Variants in THRB observed in about 807,000 individuals in gnomAD.
THRB encodes nuclear receptor subfamily 1 group A member 2.
Under a neutral mutation model 47.8 loss-of-function variants are expected in THRB, and 12 were observed. The ratio of observed to expected loss-of-function variants is 0.25; its 90% CI spans 0.16 to 0.41. The LOEUF (loss-of-function observed/expected upper bound fraction) is 0.41. Among genes scored for constraint, THRB ranks in the 10% least tolerant of loss-of-function variants. The pLI, the probability that THRB is intolerant of heterozygous loss-of-function variation, is 1.00. For synonymous variants in THRB, 218 were observed against 212.2 expected, an observed-to-expected ratio of 1.03 and a Z score of -0.24; for missense variants, 348 against 589.2, an observed-to-expected ratio of 0.59 and a Z score of 4.24.
At chr3:24,326,757 T>A (rs889601703) in intron 2 of THRB, among the ~76,000 whole-genome samples, 1 of 99,990 alleles carries the variant, frequency 1.0e-5, no homozygotes. Context: ...CAGTCTTGTC[T>A]TTTTTTTTTT....
At chr3:24,178,002 G>T (rs1291483791) in intron 5 of THRB, among the ~76,000 whole-genome samples, 5 of 152,122 alleles carry the variant, frequency 3.3e-5, no homozygotes, top group African/African-American at 9.7e-5. Context: ...ATGGAGAAAG[G>T]TGTTCCCTAG....
intron 3 of THRB, among the ~76,000 whole-genome samples, chr3:24,235,023 C>T (rs1218511317): frequency 6.6e-6 from 1 of 152,200 alleles, no homozygotes; most frequent in Non-Finnish European, 1.5e-5. Flanking sequence ...AGCCCTGCTG[C>T]AGTGTGGAGG....
In THRB at chr3:24,303,547, C is replaced by G. The variant is rs2057112636; in HGVS notation, c.-188-6176G>C. On this transcript the variant is annotated intron_variant, in intron 2 of 10. Transcript: ENST00000646209. Reference sequence around the variant, plus strand: ...TGCTGAGATGATCTATAGCTGACCACAGACGTGCAAGCAGGCCCAGCTGAG... The same window carrying G: ...TGCTGAGATGATCTATAGCTGACCAGAGACGTGCAAGCAGGCCCAGCTGAG... 4.6e-5 allele frequency among the ~76,000 whole-genome samples: 7 copies of G among 152,302 alleles called. No individual in the cohort carries two copies. In the South Asian group the frequency reaches 1.5e-3, roughly 32 times the overall value.
intron 4 of THRB, among the ~76,000 whole-genome samples, chr3:24,201,514 T>G (rs947934699): frequency 3.9e-5 from 6 of 152,208 alleles, no homozygotes; most frequent in Non-Finnish European, 7.3e-5. Context: ...CACATGCACA[T>G]TAATGTTTGA....
intron 2 of THRB, among the ~76,000 whole-genome samples, chr3:24,302,658 A>G (rs968970738): frequency 2.6e-5 from 4 of 152,146 alleles, no homozygotes; most frequent in Middle Eastern, 3.2e-3. Context: ...ATAGAAAACA[A>G]CACACCACTG....
At chr3:24,171,580 C>T (rs1575576085) in intron 5 of THRB, among the ~76,000 whole-genome samples, 1 of 152,124 alleles carries the variant, frequency 6.6e-6, no homozygotes, top group African/African-American at 2.4e-5. Flanking sequence ...GCCGTTGAGG[C>T]CGTGACCCAC....
chr3:24,434,279 G>A (rs1229070112), intron 1 of THRB, among the ~76,000 whole-genome samples: 7 of 152,160 alleles, frequency 4.6e-5, no homozygotes, highest in Non-Finnish European at 1.0e-4. Flanking sequence ...TTGCCTTGGA[G>A]CCTTCTGTTT....
At chr3:24,477,363 A>T (rs1462681426) in intron 1 of THRB, among the ~76,000 whole-genome samples, 1 of 152,140 alleles carries the variant, frequency 6.6e-6, no homozygotes, top group Non-Finnish European at 1.5e-5. Context: ...TTTAAACTTC[A>T]TTAGAAGTAG....
intron 1 of THRB, among the ~76,000 whole-genome samples, chr3:24,353,381 A>G (rs1177771257): frequency 6.6e-6 from 1 of 152,174 alleles, no homozygotes; most frequent in Non-Finnish European, 1.5e-5. Context: ...GGCAAAACTG[A>G]GCAATAGACA....
chr3:24,258,809 A>T (rs1342365389), intron 3 of THRB, among the ~76,000 whole-genome samples: 1 of 152,200 alleles, frequency 6.6e-6, no homozygotes, highest in Non-Finnish European at 1.5e-5. Context: ...GAGGCCAAAG[A>T]ACTAGAACGA....
At chr3:24,434,898 C>T (rs6799131) in intron 1 of THRB, among the ~76,000 whole-genome samples, 12,541 of 152,140 alleles carry the variant, frequency 0.082, 1,011 homozygotes, top group African/African-American at 0.21. Context: ...GCTTGCCATA[C>T]TGGTCATCGG....
intron 5 of THRB, among the ~76,000 whole-genome samples, chr3:24,177,883 A>C (rs1418236148): frequency 1.3e-5 from 2 of 152,250 alleles, no homozygotes; most frequent in African/African-American, 4.8e-5. Flanking sequence ...GATTGTGGAA[A>C]GAAAAGAATG....
intron 3 of THRB, among the ~76,000 whole-genome samples, chr3:24,261,971 G>T (rs1268679380): frequency 6.6e-6 from 1 of 152,024 alleles, no homozygotes; most frequent in Non-Finnish European, 1.5e-5. Flanking sequence ...TTACTCCCTT[G>T]GTGATCTCAT....
intron 4 of THRB, among the ~76,000 whole-genome samples, chr3:24,208,495 A>G (rs577140381): frequency 1.3e-5 from 2 of 152,324 alleles, no homozygotes; most frequent in Non-Finnish European, 2.9e-5. Flanking sequence ...TGGTACCAAA[A>G]CAGAGATATA....
chr3:24,359,345 G>A (rs759794201), intron 1 of THRB, among the ~76,000 whole-genome samples: 3 of 152,118 alleles, frequency 2.0e-5, no homozygotes, highest in Non-Finnish European at 4.4e-5. Flanking sequence ...CTTCAGGGTA[G>A]TTGGAATTTT....
chr3:24,134,643 G>A (rs1450256102), intron 8 of THRB, among the ~76,000 whole-genome samples: 1 of 152,028 alleles, frequency 6.6e-6, no homozygotes, highest in Non-Finnish European at 1.5e-5. Flanking sequence ...ACTCCCTGTG[G>A]ACCTTTTGAC....
intron 3 of THRB, among the ~76,000 whole-genome samples, chr3:24,233,712 T>A (rs2048573247): frequency 6.6e-6 from 1 of 152,138 alleles, no homozygotes; most frequent in African/African-American, 2.4e-5. Context: ...GGAAAACGTA[T>A]CTTAAGGAAA....
intron 1 of THRB, among the ~76,000 whole-genome samples, chr3:24,392,668 G>A (rs2066661879): frequency 6.6e-6 from 1 of 152,124 alleles, no homozygotes; most frequent in Non-Finnish European, 1.5e-5. Flanking sequence ...AACGGGGAGT[G>A]TATTTAAATG....
intron 1 of THRB, among the ~76,000 whole-genome samples, chr3:24,442,199 G>A (rs754679193): frequency 2.0e-5 from 3 of 152,168 alleles, no homozygotes; most frequent in Non-Finnish European, 2.9e-5. Flanking sequence ...ATCCTCAAGA[G>A]CAACCACAGT....
Sources: allele counts gnomAD v4.1 joint callset (sites outside exome capture counted in the v4.1 genomes callset), GRCh38; gene constraint gnomAD v4.1.1; transcripts MANE v1.5; gene names NCBI Gene and HGNC (gene_info 2026-07-23, HGNC 2026-07-21).